Variants in PIR observed in about 807,000 individuals in gnomAD.
The protein encoded by PIR is pirin.
A neutral mutation model predicts 24.2 loss-of-function variants in PIR; 22 were observed. The ratio of observed to expected loss-of-function variants is 0.91; its 90% CI spans 0.65 to 1.30. PIR has a LOEUF of 1.30. Ranked by LOEUF, PIR falls within the 50% of genes most tolerant of loss-of-function variation. The pLI is 0.00. For synonymous variants in PIR, 80 were observed against 79.6 expected (o/e 1.00, Z -0.03); for missense variants, 220 against 220.3 (o/e 1.00, Z 0.01).
At chrX:15,396,989 C>T (rs1237779527) in intron 8 of PIR, among the ~76,000 whole-genome samples, 19 of 112,133 alleles carry the variant, frequency 1.7e-4, no homozygotes, top group Admixed American at 6.6e-4. Context: ...ATCCGCCCGC[C>T]TCGGCCTCCC....
At chrX:15,433,503 G>A (rs1925580530) in intron 5 of PIR, among the ~76,000 whole-genome samples, 1 of 81,150 alleles carries the variant, frequency 1.2e-5, no homozygotes, top group Non-Finnish European at 2.3e-5. Context: ...GAAGAAGGAG[G>A]AGGAGGAGGA....
At chrX:15,476,328 TA>T (rs757649051) in intron 3 of PIR, among the ~76,000 whole-genome samples, 70 of 112,276 alleles carry the variant, frequency 6.2e-4, no homozygotes, top group Non-Finnish European at 1.2e-3. Context: ...TCATTTTTAT[TA>T]AAAAATAAAT....
At chrX:15,395,366 CAG>C (rs1206521950) in intron 8 of PIR, among the ~76,000 whole-genome samples, 1 of 111,892 alleles carries the variant, frequency 8.9e-6, no homozygotes, top group Non-Finnish European at 1.9e-5. Context: ...TGTAAAGGGC[CAG>C]AGAGTTTTAG....
intron 6 of PIR, among the ~76,000 whole-genome samples, chrX:15,409,843 G>GA (rs1047330363): frequency 1.8e-5 from 2 of 111,447 alleles, no homozygotes; most frequent in African/African-American, 6.5e-5. Flanking sequence ...CATCTAAACT[G>GA]AAAATCTTTC....
At chrX:15,460,182 T>C (rs1212462577) in intron 3 of PIR, among the ~76,000 whole-genome samples, 4 of 111,506 alleles carry the variant, frequency 3.6e-5, no homozygotes, top group African/African-American at 1.3e-4. Flanking sequence ...GAAAAGAATA[T>C]GGAGGTTCTT....
intron 5 of PIR, among the ~76,000 whole-genome samples, chrX:15,437,777 C>T (rs1925796053): frequency 8.9e-6 from 1 of 112,357 alleles, no homozygotes; most frequent in South Asian, 3.7e-4. Flanking sequence ...CTCTCTAATC[C>T]AGAGAAACCT....
chrX:15,461,910 T>C (rs1294238287), intron 3 of PIR, among the ~76,000 whole-genome samples: 1 of 112,834 alleles, frequency 8.9e-6, no homozygotes, highest in Non-Finnish European at 1.9e-5. Context: ...GCTATCATAT[T>C]GGGTAGTGCA....
At chrX:15,479,608 G>A in intron 3 of PIR, 121 bp downstream of exon 3, 1 of 349,622 alleles carries the variant, frequency 2.9e-6, no homozygotes, top group Non-Finnish European at 5.1e-6. Flanking sequence ...ATGTAAAATA[G>A]CCTGCAACTT....
chrX:15,463,352 C>G (rs1374263280), intron 3 of PIR, among the ~76,000 whole-genome samples: 1 of 112,135 alleles, frequency 8.9e-6, no homozygotes, highest in Non-Finnish European at 1.9e-5. Flanking sequence ...CCTCCTAATA[C>G]CTAAACTAAA....
intron 8 of PIR, 51 bp downstream of exon 8, chrX:15,397,398 A>G (rs748852531): frequency 1.8e-5 from 16 of 872,481 alleles, no homozygotes; most frequent in Non-Finnish European, 2.6e-5. Context: ...TTTTCTTGGA[A>G]ACCAGTAGAA....
At chrX:15,481,320 T>C (rs1234205075) in intron 2 of PIR, among the ~76,000 whole-genome samples, 1 of 112,381 alleles carries the variant, frequency 8.9e-6, no homozygotes, top group African/African-American at 3.2e-5. Flanking sequence ...TCAACATATG[T>C]TTGTGATTGT....
intron 6 of PIR, among the ~76,000 whole-genome samples, chrX:15,413,580 A>C (rs1166487022): frequency 8.9e-6 from 1 of 111,870 alleles, no homozygotes; most frequent in Admixed American, 9.5e-5. Context: ...TTATAACTGA[A>C]TATAAACAGC....
At chrX:15,481,951 G>A (rs1011051373) in intron 2 of PIR, among the ~76,000 whole-genome samples, 1 of 111,384 alleles carries the variant, frequency 9.0e-6, no homozygotes, top group African/African-American at 3.3e-5. Flanking sequence ...CACTATGGAG[G>A]GCATTATGTT....
chrX:15,424,637 T>C (rs2147030947), intron 6 of PIR, among the ~76,000 whole-genome samples: 1 of 112,302 alleles, frequency 8.9e-6, no homozygotes, highest in East Asian at 2.7e-4. Flanking sequence ...ACAAATTATA[T>C]GAACGTATTA....
chrX:15,388,006 C>T (rs1923830489), intron 9 of PIR, among the ~76,000 whole-genome samples: 1 of 111,772 alleles, frequency 8.9e-6, no homozygotes, highest in African/African-American at 3.3e-5. Context: ...GCATTGGAAG[C>T]TTAGAGTCCC....
chrX:15,401,220 T>C (rs1229945824), intron 7 of PIR, among the ~76,000 whole-genome samples: 1 of 107,557 alleles, frequency 9.3e-6, no homozygotes, highest in Non-Finnish European at 1.9e-5. Context: ...GCCTAGCTAA[T>C]TAAAAAAATT....
intron 5 of PIR, among the ~76,000 whole-genome samples, chrX:15,448,027 G>C (rs781410746): frequency 2.7e-5 from 3 of 111,995 alleles, no homozygotes; most frequent in Non-Finnish European, 5.6e-5. Context: ...GAAGGAGAGG[G>C]CTTGTCGCCA....
intron 3 of PIR, among the ~76,000 whole-genome samples, chrX:15,473,593 G>A (rs1176744621): frequency 3.7e-5 from 4 of 109,247 alleles, no homozygotes; most frequent in East Asian, 2.8e-4. Context: ...AGTCTTGCTC[G>A]TTGCCCAGGG....
At chrX:15,439,830 C>G (rs1216665850) in intron 5 of PIR, among the ~76,000 whole-genome samples, 1 of 112,038 alleles carries the variant, frequency 8.9e-6, no homozygotes, top group African/African-American at 3.2e-5. Flanking sequence ...CTTTCAGTCC[C>G]TCATACTGTT....
Sources: allele counts gnomAD v4.1 joint callset (sites outside exome capture counted in the v4.1 genomes callset), GRCh38; gene constraint gnomAD v4.1.1; transcripts MANE v1.5; gene names NCBI Gene and HGNC (gene_info 2026-07-23, HGNC 2026-07-21).